The following NOX4 variants were observed in gnomAD, a reference collection of about 807,000 sequenced individuals.
The protein encoded by NOX4 is NADPH oxidase 4, also known as kidney oxidase-1.
In NOX4, 69 loss-of-function variants were observed where a neutral mutation model predicts 87.6. That is an observed-to-expected ratio of 0.79 (90% confidence interval 0.65 to 0.96). NOX4 has a LOEUF of 0.96. Among genes scored for constraint, NOX4 ranks in the 40% least tolerant of loss-of-function variants. The pLI, the probability that NOX4 is intolerant of heterozygous loss-of-function variation, is 0.00. For missense variants in NOX4, 680 were observed against 681.5 expected (o/e 1.00, Z 0.02); for synonymous variants, 275 against 238.2 (o/e 1.15, Z -1.42).
intron 6 of NOX4, among the ~76,000 whole-genome samples, chr11:89,438,796 AATATATTATATATT>A (rs1944257873): frequency 2.0e-5 from 1 of 50,222 alleles, no homozygotes; most frequent in Non-Finnish European, 2.9e-5. Context: ...TATAGTGTAT[AATATATTATATATT>A]ATATATATTA....
chr11:89,546,846 G>A, the NOX4 span, among the ~76,000 whole-genome samples: 1 of 152,136 alleles, frequency 6.6e-6, no homozygotes, highest in Non-Finnish European at 1.5e-5. Context: ...CAAGGGCAGA[G>A]ACCTCATGAA....
rs1315194791 is a variant in NOX4 at position 89,467,862 on chromosome 11, G to A, written c.154-15967C>T. Reference sequence around the variant, plus strand: ...TCTCAATGAAGTGTGGACAACAGATGTTAAGGAAGTAATTTTGGCAATTAC... The same window carrying A: ...TCTCAATGAAGTGTGGACAACAGATATTAAGGAAGTAATTTTGGCAATTAC... On this transcript the variant is annotated intron_variant, in intron 2 of 17. Transcript: ENST00000263317. Among the ~76,000 whole-genome samples the A allele has an allele frequency of 5.3e-5, 8 of 152,188 alleles. No individual in the cohort carries two copies. The South Asian group carries it at 1.4e-3, about 28-fold the overall frequency.
the NOX4 span, chr11:89,548,083 A>C: frequency 6.6e-6 from 1 of 152,056 alleles, no homozygotes; most frequent in East Asian, 1.9e-4. Context: ...AATATGTATA[A>C]ATTTTGTAGG....
intron 17 of NOX4, among the ~76,000 whole-genome samples, chr11:89,328,370 T>A (rs554397695): frequency 6.6e-6 from 1 of 152,136 alleles, no homozygotes; most frequent in Non-Finnish European, 1.5e-5. Flanking sequence ...CAATGGGTTG[T>A]ATTCTCAGAA....
chr11:89,529,471 T>G, the NOX4 span, among the ~76,000 whole-genome samples: 2 of 152,112 alleles, frequency 1.3e-5, no homozygotes, highest in Non-Finnish European at 2.9e-5. Flanking sequence ...TAAGCAATAA[T>G]ACTGGAAGAT....
chr11:89,555,775 T>C, the NOX4 span, among the ~76,000 whole-genome samples: 3 of 152,116 alleles, frequency 2.0e-5, no homozygotes, highest in Non-Finnish European at 4.4e-5. Flanking sequence ...ACCATGTATG[T>C]GTAAGCAGAG....
At position 89,430,835 on chromosome 11, in the gene NOX4, A is replaced by G. The variant is rs576797947; in HGVS notation, c.548+1949T>C. On this transcript the variant is annotated intron_variant, in intron 7 of 17. Transcript: ENST00000263317. ...CATCAAGCTACCAATGACTTTCTTCACAGAATTGGAAAAAACTACTTTAAA... is the reference window on the plus strand; with the variant it reads ...CATCAAGCTACCAATGACTTTCTTCGCAGAATTGGAAAAAACTACTTTAAA... Among the ~76,000 whole-genome samples the G allele has an allele frequency of 2.6e-5, 4 of 152,342 alleles. No homozygotes were observed. The South Asian group carries it at 8.3e-4, about 32-fold the overall frequency.
At chr11:89,558,106 C>T in the NOX4 span, among the ~76,000 whole-genome samples, 1 of 151,986 alleles carries the variant, frequency 6.6e-6, no homozygotes, top group African/African-American at 2.4e-5. Context: ...AGTCTTGTAC[C>T]CTGAGTATGA....
chr11:89,374,693 G>C (rs1939706977), intron 11 of NOX4, among the ~76,000 whole-genome samples: 1 of 152,142 alleles, frequency 6.6e-6, no homozygotes, highest in Admixed American at 6.5e-5. Flanking sequence ...TACATAAAAT[G>C]GGTGAGAGTT....
chr11:89,589,175 C>T, the NOX4 span, among the ~76,000 whole-genome samples: 2 of 152,166 alleles, frequency 1.3e-5, no homozygotes. Context: ...CAAGCTTACA[C>T]GGTTAGCTTT....
the NOX4 span, among the ~76,000 whole-genome samples, chr11:89,521,795 T>G: frequency 1.3e-5 from 2 of 152,022 alleles, no homozygotes; most frequent in African/African-American, 4.8e-5. Flanking sequence ...AACAAAAGTC[T>G]AATATCCAGG....
chr11:89,434,342 A>G (rs990558818), intron 6 of NOX4, among the ~76,000 whole-genome samples: 2 of 152,100 alleles, frequency 1.3e-5, no homozygotes, highest in Non-Finnish European at 2.9e-5. Context: ...TCACTTTCCC[A>G]GTAGACAGTT....
At chr11:89,561,900 T>C in the NOX4 span, among the ~76,000 whole-genome samples, 68 of 152,298 alleles carry the variant, frequency 4.5e-4, no homozygotes, top group African/African-American at 1.5e-3. Flanking sequence ...TGTTATATAC[T>C]GCAGTCAGAA....
chr11:89,360,329 T>C (rs1418960010), intron 12 of NOX4, among the ~76,000 whole-genome samples: 2 of 152,110 alleles, frequency 1.3e-5, no homozygotes, highest in African/African-American at 2.4e-5. Context: ...CGTTGCCAAG[T>C]AGATCTTAAG....
intron 8 of NOX4, among the ~76,000 whole-genome samples, chr11:89,416,010 G>A (rs953961087): frequency 6.6e-6 from 1 of 152,086 alleles, no homozygotes; most frequent in East Asian, 1.9e-4. Context: ...TTCAAGGTAA[G>A]GACTCCTTTT....
the NOX4 span, among the ~76,000 whole-genome samples, chr11:89,517,941 A>G: frequency 6.6e-6 from 1 of 152,108 alleles, no homozygotes; most frequent in Non-Finnish European, 1.5e-5. Flanking sequence ...TTCTATATTA[A>G]CTAGACTTAA....
chr11:89,485,149 T>C (rs1946541824), intron 2 of NOX4, among the ~76,000 whole-genome samples: 1 of 152,136 alleles, frequency 6.6e-6, no homozygotes, highest in Admixed American at 6.6e-5. Flanking sequence ...AATTAGTTAA[T>C]GTTTCTAATG....
chr11:89,566,480 T>A, the NOX4 span, among the ~76,000 whole-genome samples: 3 of 152,240 alleles, frequency 2.0e-5, no homozygotes, highest in Non-Finnish European at 4.4e-5. Context: ...CTTGAATATT[T>A]GGTAGGATTT....
chr11:89,436,975 A>AGAT (rs1433084229), intron 6 of NOX4, among the ~76,000 whole-genome samples: 2 of 152,158 alleles, frequency 1.3e-5, no homozygotes, highest in Non-Finnish European at 2.9e-5. Context: ...TGTCAATACT[A>AGAT]GATTCCATTG....
Sources: gnomAD v4.1 joint callset for allele counts (sites outside exome capture counted in the v4.1 genomes callset) on GRCh38, gnomAD v4.1.1 for gene constraint, MANE v1.5 for transcripts, NCBI Gene and HGNC (gene_info 2026-07-23, HGNC 2026-07-21) for gene names.